Variants in NEGR1 observed in about 807,000 individuals in gnomAD.
NEGR1 encodes the protein IgLON family member 4.
A neutral mutation model predicts 40.9 loss-of-function variants in NEGR1; 10 were observed. The ratio of observed to expected loss-of-function variants is 0.24; its 90% CI spans 0.15 to 0.42. NEGR1 has a LOEUF of 0.42. NEGR1 is among the 10% of genes least tolerant of loss of function. NEGR1 has a pLI of 1.00. For missense variants in NEGR1, 352 were observed against 438.9 expected (o/e 0.80, Z 1.77); for synonymous variants, 185 against 166.8 (o/e 1.11, Z -0.84).
intron 2 of NEGR1, among the ~76,000 whole-genome samples, chr1:71,907,584 G>A (rs944474337): frequency 5.9e-4 from 90 of 152,154 alleles, no homozygotes; most frequent in African/African-American, 2.0e-3. Flanking sequence ...TTCAGCAACT[G>A]TGGAAAGCAC....
chr1:71,797,700 T>C (rs1657389719), intron 2 of NEGR1, among the ~76,000 whole-genome samples: 1 of 152,172 alleles, frequency 6.6e-6, no homozygotes. Context: ...TTTCCTGTTT[T>C]CTTTTTTTAA....
intron 1 of NEGR1, among the ~76,000 whole-genome samples, chr1:72,035,316 G>A (rs943875748): frequency 1.3e-5 from 2 of 152,078 alleles, no homozygotes; most frequent in African/African-American, 4.8e-5. Context: ...GTGTGTCCGT[G>A]TCCTGAATTC....
intron 3 of NEGR1, among the ~76,000 whole-genome samples, chr1:71,723,742 G>C (rs1654584662): frequency 6.6e-6 from 1 of 152,106 alleles, no homozygotes; most frequent in African/African-American, 2.4e-5. Context: ...GGAAATTACA[G>C]AACCAGAGAG....
At chr1:72,008,392 C>A (rs1012561275) in intron 1 of NEGR1, among the ~76,000 whole-genome samples, 2 of 152,054 alleles carry the variant, frequency 1.3e-5, no homozygotes, top group African/African-American at 4.8e-5. Flanking sequence ...CCTACTAGTA[C>A]ACATCATTAC....
intron 1 of NEGR1, among the ~76,000 whole-genome samples, chr1:72,084,469 TC>T (rs1365427217): frequency 6.6e-6 from 1 of 152,208 alleles, no homozygotes; most frequent in East Asian, 1.9e-4. Flanking sequence ...GAATTATTTT[TC>T]AACTGTAATT....
At position 71,739,216 on chromosome 1, in the gene NEGR1, AAC is replaced by A. The variant is rs1553162132; in HGVS notation, c.535+36954_535+36955del. Among the ~76,000 whole-genome samples the A allele has an allele frequency of 1.6e-3, 224 of 143,560 alleles. 2 individuals carry two copies. Among genetic ancestry groups the A allele is most frequent in the African/African-American group, 6.0e-3 (206 of 34,418 alleles). The allele number at this position is 143,560 out of a possible 152,430, so 94.2% of individuals were successfully genotyped here. ...GGCAGGCAGAAAAAAAAAAAAAAAAAACAAAAAAAAAAAACGTGAAAAGACTA... is the reference window on the plus strand; with the variant it reads ...GGCAGGCAGAAAAAAAAAAAAAAAAAAAAAAAAAAAAACGTGAAAAGACTA... On this transcript the variant is annotated intron_variant, in intron 3 of 6. Transcript: ENST00000357731.
intron 1 of NEGR1, among the ~76,000 whole-genome samples, chr1:72,064,466 A>C (rs1386678725): frequency 1.3e-5 from 2 of 152,066 alleles, no homozygotes; most frequent in Non-Finnish European, 2.9e-5. Context: ...TGTCTGTGCA[A>C]AAGCTTCTGT....
At chr1:71,927,573 C>T (rs1645786499) in intron 2 of NEGR1, among the ~76,000 whole-genome samples, 1 of 151,976 alleles carries the variant, frequency 6.6e-6, no homozygotes, top group Non-Finnish European at 1.5e-5. Context: ...TTAGGCATAA[C>T]TATTCTAAAT....
Position 71,526,735 on chromosome 1 carries a change from G to A in NEGR1, c.940+66082C>T, listed in dbSNP as rs371137107. On this transcript the variant is annotated intron_variant, in intron 6 of 6. Coordinates refer to ENST00000357731, the MANE Select transcript of NEGR1 (RefSeq NM_173808.3). ...TATATAATAACCTTTTCTGATGCCCGTCTTATTCACGTTAATTAGACCTTG... is the reference window on the plus strand; with the variant it reads ...TATATAATAACCTTTTCTGATGCCCATCTTATTCACGTTAATTAGACCTTG... 4.5e-4 allele frequency among the ~76,000 whole-genome samples: 68 copies of A among 151,484 alleles called. 1 individual carries two copies. The East Asian group carries it at 0.012, about 27-fold the overall frequency.
intron 1 of NEGR1, among the ~76,000 whole-genome samples, chr1:72,020,028 G>A (rs796795099): frequency 5.3e-5 from 8 of 152,270 alleles, no homozygotes; most frequent in Admixed American, 3.3e-4. Flanking sequence ...TAAATTAAAA[G>A]GTGGGTGGGT....
At position 71,647,761 on chromosome 1, in the gene NEGR1, T is replaced by C. The variant is rs532728307; in HGVS notation, c.668-36615A>G. 5.3e-5 allele frequency among the ~76,000 whole-genome samples: 8 copies of C among 152,088 alleles called. No homozygotes were observed. The South Asian group carries it at 1.2e-3, about 24-fold the overall frequency. On this transcript the variant is annotated intron_variant, in intron 4 of 6. Transcript: ENST00000357731. ...AGCTAAGAGTGAAAGAAACCAGGAA[T>C]TGAACACATGATCTCAATCTTATTA...
intron 1 of NEGR1, among the ~76,000 whole-genome samples, chr1:71,986,030 A>C (rs1646391152): frequency 6.6e-6 from 1 of 152,206 alleles, no homozygotes; most frequent in African/African-American, 2.4e-5. Context: ...TTAAAGGAAA[A>C]GGAAGGAATA....
At chr1:71,600,868 G>A (rs1468856907) in intron 5 of NEGR1, among the ~76,000 whole-genome samples, 1 of 152,172 alleles carries the variant, frequency 6.6e-6, no homozygotes, top group Non-Finnish European at 1.5e-5. Context: ...AATTCCAGCT[G>A]TTTATGGGTA....
chr1:72,093,185 G>A (rs1374030126), intron 1 of NEGR1, among the ~76,000 whole-genome samples: 1 of 151,914 alleles, frequency 6.6e-6, no homozygotes, highest in East Asian at 1.9e-4. Flanking sequence ...ATAAAAATTA[G>A]CTGAGCATGG....
At chr1:71,762,066 C>G (rs1655962945) in intron 3 of NEGR1, among the ~76,000 whole-genome samples, 1 of 151,926 alleles carries the variant, frequency 6.6e-6, no homozygotes. Context: ...ACTAAGTTTT[C>G]TATACTTTGC....
intron 2 of NEGR1, among the ~76,000 whole-genome samples, chr1:71,793,646 C>G (rs1657211428): frequency 6.6e-6 from 1 of 151,902 alleles, no homozygotes; most frequent in Admixed American, 6.6e-5. Context: ...CACTTATAAA[C>G]ACAGAAAATT....
At chr1:72,016,952 T>G (rs2100413191) in intron 1 of NEGR1, among the ~76,000 whole-genome samples, 1 of 152,314 alleles carries the variant, frequency 6.6e-6, no homozygotes, top group Admixed American at 6.5e-5. Flanking sequence ...ACATTTGAAT[T>G]TATTGCATTT....
chr1:71,868,433 T>C (rs1275880380), intron 2 of NEGR1, among the ~76,000 whole-genome samples: 1 of 122,488 alleles, frequency 8.2e-6, no homozygotes, highest in East Asian at 3.1e-4. Context: ...AGATAGATGA[T>C]AGAAGATAGA....
At chr1:71,707,846 C>T (rs552353537) in intron 3 of NEGR1, among the ~76,000 whole-genome samples, 3 of 152,242 alleles carry the variant, frequency 2.0e-5, no homozygotes, top group Admixed American at 1.3e-4. Flanking sequence ...AGGAAGAGAA[C>T]AAGAGCTTCT....
Sources: gnomAD v4.1 joint callset for allele counts (sites outside exome capture counted in the v4.1 genomes callset) on GRCh38, gnomAD v4.1.1 for gene constraint, MANE v1.5 for transcripts, NCBI Gene and HGNC (gene_info 2026-07-23, HGNC 2026-07-21) for gene names.